The following EGFLAM variants were observed in gnomAD, a reference collection of about 807,000 sequenced individuals.
EGFLAM encodes EGF like, fibronectin type III and laminin G domains, also known as pikachurin.
Under a neutral mutation model 113.1 loss-of-function variants are expected in EGFLAM, and 79 were observed. The observed-to-expected ratio is 0.70, with a 90% CI of 0.58 to 0.84. The LOEUF is 0.84. Ranked by LOEUF, EGFLAM falls within the 40% of genes least tolerant of loss-of-function variation. The probability of loss-of-function intolerance (pLI) is 0.00; values close to 1 mark genes in which losing one functional copy is unlikely to be tolerated. For synonymous variants in EGFLAM, 504 were observed against 487.6 expected, an observed-to-expected ratio of 1.03 and a Z score of -0.44; for missense variants, 1,265 against 1,291.6, an observed-to-expected ratio of 0.98 and a Z score of 0.32.
intron 20 of EGFLAM, among the ~76,000 whole-genome samples, chr5:38,459,905 T>C (rs753036761): frequency 2.6e-5 from 4 of 152,250 alleles, no homozygotes; most frequent in African/African-American, 4.8e-5. Flanking sequence ...GAGGTTGATT[T>C]TGATGAAGTC....
chr5:38,451,432 C>G lies in EGFLAM; in HGVS notation c.2661C>G (p.Gly887=). The part of the protein sequence containing the change: ...MRPNSDFISL[G]LRDGALVFSY... Reference sequence around the variant, plus strand: ...CCAACAGCGACTTCATTTCCTTGGGCCTTCGGGATGGAGCCCTCGTGTTCA... The same window carrying G: ...CCAACAGCGACTTCATTTCCTTGGGGCTTCGGGATGGAGCCCTCGTGTTCA... The change falls in exon 19 of 22, where the codon GGC becomes GGG. Residue 887 remains glycine (G), a synonymous_variant. Transcript: ENST00000322350. 6.2e-7 allele frequency: 1 copy of G among 1,614,184 alleles called. No individual in the cohort carries two copies. The highest frequency in any genetic ancestry group is 8.5e-7 in the Non-Finnish European group (1 of 1,180,032).
At chr5:38,324,856 A>C (rs1738836255) in intron 1 of EGFLAM, among the ~76,000 whole-genome samples, 1 of 152,192 alleles carries the variant, frequency 6.6e-6, no homozygotes. Flanking sequence ...GAGAGGATGG[A>C]GACAGTGTGA....
intron 1 of EGFLAM, among the ~76,000 whole-genome samples, chr5:38,308,956 T>C (rs1229980417): frequency 6.6e-6 from 1 of 152,166 alleles, no homozygotes; most frequent in African/African-American, 2.4e-5. Flanking sequence ...GGTAGCTGTA[T>C]AGAATTAGGA....
chr5:38,338,999 C>T (rs914606262), intron 3 of EGFLAM, among the ~76,000 whole-genome samples: 1 of 152,188 alleles, frequency 6.6e-6, no homozygotes. Context: ...CTGGCGTAAA[C>T]GCTTCCATCC....
chr5:38,446,060 G>A (rs953308180), intron 17 of EGFLAM, among the ~76,000 whole-genome samples: 6 of 152,156 alleles, frequency 3.9e-5, no homozygotes, highest in Admixed American at 3.9e-4. Context: ...CCGTGGGGGT[G>A]AGCCAAACCC....
At position 38,435,806 on chromosome 5, in the gene EGFLAM, CTTTT is replaced by C. The variant is rs60461690; in HGVS notation, c.2283+579_2283+582del. On this transcript the variant is annotated intron_variant, in intron 16 of 21. Coordinates refer to ENST00000322350, the MANE Select transcript of EGFLAM (RefSeq NM_152403.4). ...AAGATACTGACTCCCCCGGCTCTCT[CTTTT>C]TTTTTTTTTTTTTTTTTTTTTTTTT... 3.6e-3 allele frequency among the ~76,000 whole-genome samples: 323 copies of C among 88,890 alleles called. 1 individual carries two copies. Among genetic ancestry groups the C allele is most frequent in the African/African-American group, 0.015 (309 of 21,042 alleles). 58.3% of individuals were successfully genotyped at this position (88,890 alleles called of 152,430 possible). A position where few individuals can be genotyped will look rare whatever the true frequency, so the allele number is the denominator to read the frequency against.
chr5:38,386,728 A>G (rs1341105653), intron 6 of EGFLAM, among the ~76,000 whole-genome samples: 1 of 151,554 alleles, frequency 6.6e-6, no homozygotes, highest in Non-Finnish European at 1.5e-5. Flanking sequence ...GATGGTCTGG[A>G]TCTCTTGACC....
In EGFLAM at chr5:38,463,959, A is replaced by G; in HGVS notation, c.3003A>G (p.Lys1001=). 1 of 1,614,236 alleles carries G rather than the reference A, an allele frequency of 6.2e-7. No homozygotes were observed. Among genetic ancestry groups the G allele is most frequent in the Non-Finnish European group, 8.5e-7 (1 of 1,180,046 alleles). The change falls in exon 22 of 22, where the codon AAA becomes AAG. Residue 1001 remains lysine (K), a synonymous_variant. Coordinates refer to ENST00000322350, the MANE Select transcript of EGFLAM (RefSeq NM_152403.4). ...ISLVEDAVDG[K]NINTCGAK ...TCGTGGAAGATGCCGTGGATGGGAA[A>G]AACATCAACACTTGTGGAGCCAAGT...
chr5:38,321,326 T>A (rs13356188), intron 1 of EGFLAM, among the ~76,000 whole-genome samples: 22,149 of 152,118 alleles, frequency 0.15, 1,686 homozygotes, highest in African/African-American at 0.17. Context: ...CAGGCAGTAA[T>A]GCTAGTAATG....
intron 1 of EGFLAM, among the ~76,000 whole-genome samples, chr5:38,317,548 A>T (rs1170655932): frequency 1.3e-5 from 2 of 152,190 alleles, no homozygotes; most frequent in Non-Finnish European, 1.5e-5. Flanking sequence ...TATAGCTGTT[A>T]TCATCCCTAG....
chr5:38,406,857 G>T lies in EGFLAM; in HGVS notation c.858G>T (p.Gly286=). Residue 286 remains glycine, a synonymous_variant, in exon 8 of 22, where the codon GGG becomes GGT. Coordinates refer to ENST00000322350, the MANE Select transcript of EGFLAM (RefSeq NM_152403.4). Reference sequence around the variant, plus strand: ...AACCACTTCCTGCTACCAAAGGAGGGAATAAGAAATTTTTGGTGGAAAGCA... The same window carrying T: ...AACCACTTCCTGCTACCAAAGGAGGTAATAAGAAATTTTTGGTGGAAAGCA... ...EVKPLPATKG[G]NKKFLVESKK... is the part of the protein sequence containing the mutation. 2 of 1,613,996 alleles carry T rather than the reference G, an allele frequency of 1.2e-6. No individual in the cohort carries two copies. Among genetic ancestry groups the T allele is most frequent in the African/African-American group, 2.7e-5 (2 of 75,006 alleles).
chr5:38,363,623 TTTTA>T (rs1055075361), intron 5 of EGFLAM, among the ~76,000 whole-genome samples: 4 of 152,222 alleles, frequency 2.6e-5, no homozygotes, highest in Admixed American at 2.6e-4. Context: ...TTGCTAGGTT[TTTTA>T]TTTAATGTAT....
chr5:38,358,167 C>T (rs1010746940), intron 5 of EGFLAM, among the ~76,000 whole-genome samples: 7 of 151,490 alleles, frequency 4.6e-5, no homozygotes, highest in Non-Finnish European at 7.4e-5. Context: ...TTAACCTGGC[C>T]GGGCGTGGTG....
At chr5:38,326,461 C>T (rs1194166751) in intron 1 of EGFLAM, among the ~76,000 whole-genome samples, 1 of 152,092 alleles carries the variant, frequency 6.6e-6, no homozygotes, top group Admixed American at 6.5e-5. Context: ...GCACTAACAA[C>T]CTCCTTCCTG....
At chr5:38,296,253 A>T (rs1024650633) in intron 1 of EGFLAM, among the ~76,000 whole-genome samples, 1 of 152,222 alleles carries the variant, frequency 6.6e-6, no homozygotes, top group Non-Finnish European at 1.5e-5. Flanking sequence ...TATTGCTGTT[A>T]GCTATTCTAA....
At chr5:38,337,717 C>A in intron 2 of EGFLAM, 88 bp downstream of exon 2, 2 of 1,099,578 alleles carry the variant, frequency 1.8e-6, no homozygotes, top group Non-Finnish European at 2.6e-6. Context: ...GATATCTGTC[C>A]TTCCATATCA....
intron 20 of EGFLAM, among the ~76,000 whole-genome samples, chr5:38,459,786 C>T: frequency 2.5e-3 from 1 of 408 alleles, no homozygotes; most frequent in East Asian, 0.042. Flanking sequence ...GCTGCTGGGC[C>T]CCCAACCCTG....
intron 5 of EGFLAM, among the ~76,000 whole-genome samples, chr5:38,352,714 G>A (rs1739663312): frequency 6.6e-6 from 1 of 151,504 alleles, no homozygotes; most frequent in African/African-American, 2.4e-5. Context: ...AATGAGGAGA[G>A]TCACCTCCAG....
chr5:38,446,416 C>T (rs1232364041), intron 17 of EGFLAM, among the ~76,000 whole-genome samples: 2 of 152,052 alleles, frequency 1.3e-5, no homozygotes, highest in East Asian at 3.9e-4. Flanking sequence ...CTGCAGCGTC[C>T]CTTCTTTCTC....
Sources: gnomAD v4.1 joint callset for allele counts (sites outside exome capture counted in the v4.1 genomes callset) on GRCh38, gnomAD v4.1.1 for gene constraint, MANE v1.5 for transcripts, NCBI Gene and HGNC (gene_info 2026-07-23, HGNC 2026-07-21) for gene names.